The following SLC4A4 variants were observed in gnomAD, a reference collection of about 807,000 sequenced individuals.
SLC4A4 encodes electrogenic sodium bicarbonate cotransporter 1.
A neutral mutation model predicts 111.5 loss-of-function variants in SLC4A4; 27 were observed. That is an observed-to-expected ratio of 0.24 (90% CI 0.18 to 0.33). SLC4A4 has a LOEUF of 0.33. SLC4A4 is among the 10% of genes least tolerant of loss of function. The pLI, the probability that SLC4A4 is intolerant of heterozygous loss-of-function variation, is 1.00. For missense variants in SLC4A4, 909 were observed against 1,315.5 expected, an observed-to-expected ratio of 0.69 and a Z score of 4.78; for synonymous variants, 443 against 463.4, an observed-to-expected ratio of 0.96 and a Z score of 0.57.
intron 1 of SLC4A4, among the ~76,000 whole-genome samples, chr4:71,227,990 C>T (rs1719161151): frequency 6.6e-6 from 1 of 152,130 alleles, no homozygotes; most frequent in African/African-American, 2.4e-5. Flanking sequence ...TTTGTGGAAG[C>T]ACGTGAAATG....
intron 2 of SLC4A4, among the ~76,000 whole-genome samples, chr4:71,243,044 TA>T (rs1157474464): frequency 1.3e-5 from 2 of 152,174 alleles, no homozygotes; most frequent in African/African-American, 4.8e-5. Flanking sequence ...CTTAATTTGT[TA>T]AATTGTCTTT....
At chr4:71,371,941 C>T (rs1036145679) in intron 6 of SLC4A4, among the ~76,000 whole-genome samples, 1 of 152,134 alleles carries the variant, frequency 6.6e-6, no homozygotes. Context: ...CACCAGAAAC[C>T]GTTAACCAAA....
chr4:71,339,183 G>C, intron 3 of SLC4A4, 187 bp from the exon 4 acceptor site: 1 of 1,613,966 alleles, frequency 6.2e-7, no homozygotes, highest in Non-Finnish European at 8.5e-7. Context: ...AGAACCAAAG[G>C]AATAGAGAAG....
chr4:71,256,931 C>A (rs897265118), intron 3 of SLC4A4, among the ~76,000 whole-genome samples: 1 of 152,156 alleles, frequency 6.6e-6, no homozygotes, highest in Non-Finnish European at 1.5e-5. Context: ...CAGATTAGAA[C>A]AAGAGTGCAT....
chr4:71,336,153 T>C (rs1056263900), intron 3 of SLC4A4, among the ~76,000 whole-genome samples: 1 of 152,156 alleles, frequency 6.6e-6, no homozygotes, highest in Non-Finnish European at 1.5e-5. Context: ...GTAAACACTT[T>C]GGAATTTATA....
intron 2 of SLC4A4, among the ~76,000 whole-genome samples, chr4:71,098,129 G>A (rs1053304022): frequency 8.5e-5 from 13 of 152,148 alleles, no homozygotes; most frequent in African/African-American, 3.1e-4. Context: ...TATTACCTAG[G>A]TTGTCTTCCA....
intron 6 of SLC4A4, among the ~76,000 whole-genome samples, chr4:71,376,211 A>G (rs921394722): frequency 2.7e-5 from 4 of 150,152 alleles, no homozygotes; most frequent in South Asian, 4.2e-4. Flanking sequence ...GTGTGTATAT[A>G]TATTTTTTGA....
chr4:71,464,659 T>A (rs1044667580), intron 12 of SLC4A4, among the ~76,000 whole-genome samples: 3 of 152,148 alleles, frequency 2.0e-5, no homozygotes, highest in African/African-American at 7.2e-5. Flanking sequence ...ACTATTTAAT[T>A]GTCAAGTCTT....
At chr4:71,198,286 TCA>T (rs1246259837) in intron 1 of SLC4A4, among the ~76,000 whole-genome samples, 1 of 152,242 alleles carries the variant, frequency 6.6e-6, no homozygotes, top group Non-Finnish European at 1.5e-5. Context: ...CAGTGAAATC[TCA>T]GTGTTTCACT....
At chr4:71,565,086 A>T (rs1737340198) in intron 24 of SLC4A4, among the ~76,000 whole-genome samples, 1 of 151,822 alleles carries the variant, frequency 6.6e-6, no homozygotes, top group Admixed American at 6.6e-5. Flanking sequence ...AGTGGGCCCA[A>T]GAATAGGGAC....
At chr4:71,565,467 G>A (rs888876143) in intron 24 of SLC4A4, among the ~76,000 whole-genome samples, 2 of 151,788 alleles carry the variant, frequency 1.3e-5, no homozygotes, top group Non-Finnish European at 2.9e-5. Flanking sequence ...TGATGGCCAG[G>A]GTGTTGTCTT....
intron 2 of SLC4A4, among the ~76,000 whole-genome samples, chr4:71,125,676 G>A (rs1174377274): frequency 6.6e-6 from 1 of 152,146 alleles, no homozygotes; most frequent in Non-Finnish European, 1.5e-5. Flanking sequence ...TTTCAGTTTA[G>A]GCATGTATTG....
intron 3 of SLC4A4, among the ~76,000 whole-genome samples, chr4:71,285,350 G>T (rs1265721683): frequency 6.6e-6 from 1 of 152,146 alleles, no homozygotes; most frequent in Non-Finnish European, 1.5e-5. Context: ...GAGTGAGATG[G>T]GTGCTGTCAG....
intron 6 of SLC4A4, among the ~76,000 whole-genome samples, chr4:71,366,382 A>G (rs904915446): frequency 6.7e-6 from 1 of 149,486 alleles, no homozygotes; most frequent in African/African-American, 2.4e-5. Flanking sequence ...TCAAAAAGAG[A>G]CACCTTCACA....
At chr4:71,474,205 A>T (rs149608702) in intron 14 of SLC4A4, among the ~76,000 whole-genome samples, 4 of 151,780 alleles carry the variant, frequency 2.6e-5, no homozygotes, top group Admixed American at 2.6e-4. Flanking sequence ...TTACGCAATT[A>T]GATACAGGTC....
chr4:71,387,481 C>T (rs1578983309), intron 6 of SLC4A4, among the ~76,000 whole-genome samples: 1 of 152,034 alleles, frequency 6.6e-6, no homozygotes, highest in Non-Finnish European at 1.5e-5. Flanking sequence ...AAGTGGTACC[C>T]TACTTCAAGT....
At chr4:71,455,804 C>T (rs1277945041) in intron 12 of SLC4A4, among the ~76,000 whole-genome samples, 1 of 152,136 alleles carries the variant, frequency 6.6e-6, no homozygotes, top group Non-Finnish European at 1.5e-5. Context: ...CTTTACAATG[C>T]TGCATCTGAC....
At chr4:71,077,810 C>T (rs1741883143) in intron 1 of SLC4A4, among the ~76,000 whole-genome samples, 1 of 152,194 alleles carries the variant, frequency 6.6e-6, no homozygotes. Flanking sequence ...ATTTCTATTT[C>T]TCCTCCTACT....
chr4:71,230,551 G>A (rs1411502568), intron 1 of SLC4A4, among the ~76,000 whole-genome samples: 1 of 152,138 alleles, frequency 6.6e-6, no homozygotes, highest in African/African-American at 2.4e-5. Flanking sequence ...GGATAAAGTG[G>A]GATGAGTTGA....
Sources: allele counts gnomAD v4.1 joint callset (sites outside exome capture counted in the v4.1 genomes callset), GRCh38; gene constraint gnomAD v4.1.1; transcripts MANE v1.5; gene names NCBI Gene and HGNC (gene_info 2026-07-23, HGNC 2026-07-21).